The following GRM7 variants were observed in gnomAD, a reference collection of about 807,000 sequenced individuals.
The protein encoded by GRM7 is glutamate metabotropic receptor 7.
GRM7 carries 35 observed loss-of-function variants against 84.5 expected under a neutral mutation model. The ratio of observed to expected loss-of-function variants is 0.41; its 90% CI spans 0.32 to 0.55. The LOEUF is 0.55. GRM7 is among the 20% of genes least tolerant of loss of function. The pLI is 0.19. For synonymous variants in GRM7, 487 were observed against 455.1 expected, an observed-to-expected ratio of 1.07 and a Z score of -0.89; for missense variants, 1,003 against 1,194.6, an observed-to-expected ratio of 0.84 and a Z score of 2.36.
chr3:7,571,589 C>G (rs1252459917), intron 7 of GRM7, among the ~76,000 whole-genome samples: 2 of 152,168 alleles, frequency 1.3e-5, no homozygotes, highest in Non-Finnish European at 2.9e-5. Context: ...GCATTTTGAT[C>G]AAAGCCATTC....
intron 2 of GRM7, among the ~76,000 whole-genome samples, chr3:7,289,973 G>T (rs191378504): frequency 6.6e-6 from 1 of 151,706 alleles, no homozygotes. Context: ...AAACCTGCAC[G>T]TTGTGCACAT....
rs118041134 is a variant in GRM7 at position 7,678,464 on chromosome 3, T to C, written c.2452-1585T>C. Reference sequence around the variant, plus strand: ...AGTACGGTGACAGTGGTGACAAAAATTGTCTATGTCTATAAAGCCCTGTGA... The same window carrying C: ...AGTACGGTGACAGTGGTGACAAAAACTGTCTATGTCTATAAAGCCCTGTGA... On this transcript the variant is annotated intron_variant, in intron 8 of 9. Transcript: ENST00000357716. Among the ~76,000 whole-genome samples, 21 of 152,266 alleles carry C rather than the reference T, an allele frequency of 1.4e-4. No homozygotes were observed. In the East Asian group the frequency reaches 2.5e-3, roughly 18 times the overall value.
At chr3:6,898,712 T>C (rs1195243049) in intron 1 of GRM7, among the ~76,000 whole-genome samples, 1 of 151,418 alleles carries the variant, frequency 6.6e-6, no homozygotes, top group East Asian at 1.9e-4. Flanking sequence ...GGTGTGGTGG[T>C]ACCAACCTCC....
chr3:7,225,179 AAGG>A (rs1696942445), intron 2 of GRM7, among the ~76,000 whole-genome samples: 1 of 151,878 alleles, frequency 6.6e-6, no homozygotes, highest in East Asian at 1.9e-4. Flanking sequence ...CTATTCCTAG[AAGG>A]AGTAGGATTA....
intron 7 of GRM7, among the ~76,000 whole-genome samples, chr3:7,503,596 C>T (rs1014832915): frequency 1.3e-5 from 2 of 152,112 alleles, no homozygotes; most frequent in Non-Finnish European, 2.9e-5. Context: ...CAGAGTGGAT[C>T]GCCCACTCTG....
intron 2 of GRM7, among the ~76,000 whole-genome samples, chr3:7,153,923 A>G (rs1393356868): frequency 1.3e-5 from 2 of 152,180 alleles, no homozygotes; most frequent in African/African-American, 2.4e-5. Flanking sequence ...AAGAAGGTAG[A>G]TCTTAACTAA....
intron 5 of GRM7, among the ~76,000 whole-genome samples, chr3:7,449,897 C>T (rs987602915): frequency 6.6e-5 from 10 of 151,988 alleles, no homozygotes; most frequent in Middle Eastern, 3.2e-3. Flanking sequence ...GAAGTGGGCT[C>T]ATTTTTTTCT....
chr3:7,046,633 T>C (rs146235792), intron 1 of GRM7, among the ~76,000 whole-genome samples: 1 of 152,210 alleles, frequency 6.6e-6, no homozygotes, highest in East Asian at 1.9e-4. Flanking sequence ...ACATTTCATA[T>C]GGGTAACTAG....
intron 1 of GRM7, among the ~76,000 whole-genome samples, chr3:7,042,537 GT>G (rs918569112): frequency 2.0e-5 from 3 of 151,966 alleles, no homozygotes; most frequent in Non-Finnish European, 4.4e-5. Flanking sequence ...CTTTTTCTCT[GT>G]GTTTTCTTGG....
intron 1 of GRM7, among the ~76,000 whole-genome samples, chr3:7,130,504 T>A (rs923204597): frequency 6.7e-6 from 1 of 150,158 alleles, no homozygotes; most frequent in Non-Finnish European, 1.5e-5. Flanking sequence ...GATCGCACCA[T>A]TGCACTACAA....
rs1011747919 is a variant in GRM7 at position 6,993,179 on chromosome 3, G to A, written c.519+131272G>A. ...GCCCCTTATAAAAGCATCAGATCTC[G>A]TGAGAACTTACTATCATGAGAATCC... On this transcript the variant is annotated intron_variant, in intron 1 of 9. Coordinates refer to ENST00000357716, the MANE Select transcript of GRM7 (RefSeq NM_000844.4). 2.6e-5 allele frequency among the ~76,000 whole-genome samples: 4 copies of A among 152,110 alleles called. No homozygotes were observed. In the East Asian group the frequency reaches 7.7e-4, roughly 29 times the overall value.
intron 8 of GRM7, among the ~76,000 whole-genome samples, chr3:7,596,325 CG>C (rs912874862): frequency 1.3e-5 from 2 of 152,012 alleles, no homozygotes; most frequent in African/African-American, 4.8e-5. Flanking sequence ...TGCTTATGAA[CG>C]GTGGTGAAGA....
chr3:7,346,580 G>A (rs924904038), intron 4 of GRM7, among the ~76,000 whole-genome samples: 1 of 152,068 alleles, frequency 6.6e-6, no homozygotes, highest in African/African-American at 2.4e-5. Flanking sequence ...AACTGCAATG[G>A]TGTGGGAGAA....
intron 1 of GRM7, among the ~76,000 whole-genome samples, chr3:6,965,899 T>C (rs968280109): frequency 6.6e-6 from 1 of 152,058 alleles, no homozygotes; most frequent in African/African-American, 2.4e-5. Context: ...CTCTCAGCAG[T>C]TCCACAAACA....
In GRM7 at chr3:7,574,370, G is replaced by C. The variant is rs184237050; in HGVS notation, c.1516-4052G>C. Among the ~76,000 whole-genome samples, 1,379 of 152,246 alleles carry C rather than the reference G, an allele frequency of 9.1e-3. 20 individuals carry two copies. The highest frequency in any genetic ancestry group is 0.031 in the African/African-American group (1,298 of 41,558). Reference sequence around the variant, plus strand: ...AGGCAGGGTTTCACTATGTTGGCCAGGCTGGTCTTGAATTCCTGACCTCGT... The same window carrying C: ...AGGCAGGGTTTCACTATGTTGGCCACGCTGGTCTTGAATTCCTGACCTCGT... On this transcript the variant is annotated intron_variant, in intron 7 of 9. Transcript: ENST00000357716.
chr3:6,912,637 T>A (rs1354203309), intron 1 of GRM7, among the ~76,000 whole-genome samples: 1 of 152,184 alleles, frequency 6.6e-6, no homozygotes, highest in African/African-American at 2.4e-5. Flanking sequence ...AATGTCTTTT[T>A]TACAGTTAGA....
rs142374653 is a variant in GRM7, at chr3:7,460,790, G to T, written c.1376-793G>T. ...GTTGTTCTATGTGGTTAATATTAAGGATTCTTTACTCATCCAACCATACAC... is the reference window on the plus strand; with the variant it reads ...GTTGTTCTATGTGGTTAATATTAAGTATTCTTTACTCATCCAACCATACAC... On this transcript the variant is annotated intron_variant, in intron 6 of 9. Coordinates refer to ENST00000357716, the MANE Select transcript of GRM7 (RefSeq NM_000844.4). Among the ~76,000 whole-genome samples the T allele has an allele frequency of 2.6e-3, 391 of 152,254 alleles. 9 individuals are homozygous for T. The highest frequency in any genetic ancestry group is 0.019 in the Admixed American group (283 of 15,294).
At chr3:6,915,280 C>CTCTGTATACAATAA (rs1274225002) in intron 1 of GRM7, among the ~76,000 whole-genome samples, 1 of 152,128 alleles carries the variant, frequency 6.6e-6, no homozygotes, top group Non-Finnish European at 1.5e-5. Context: ...ACAATCATTT[C>CTCTGTATACAATAA]ACAATTAAAA....
chr3:7,306,702 G>T, intron 4 of GRM7, 50 bp downstream of exon 4: 3 of 1,457,100 alleles, frequency 2.1e-6, no homozygotes, highest in Non-Finnish European at 2.8e-6. Context: ...CTGGTGCCAT[G>T]CTGAATGGCC....
Sources: allele counts gnomAD v4.1 joint callset (sites outside exome capture counted in the v4.1 genomes callset), GRCh38; gene constraint gnomAD v4.1.1; transcripts MANE v1.5; gene names NCBI Gene and HGNC (gene_info 2026-07-23, HGNC 2026-07-21).